PTPN3: variants seen among roughly 807,000 people sequenced by gnomAD.
The protein encoded by PTPN3 is protein tyrosine phosphatase non-receptor type 3.
A neutral mutation model predicts 132.7 loss-of-function variants in PTPN3; 96 were observed. That is an observed-to-expected ratio of 0.72 (90% confidence interval 0.61 to 0.86). The LOEUF (loss-of-function observed/expected upper bound fraction) is 0.86, where lower values mean the gene tolerates loss of function less well. PTPN3 is among the 40% of genes least tolerant of loss of function. The probability of loss-of-function intolerance (pLI) is 0.00; values close to 1 mark genes in which losing one functional copy is unlikely to be tolerated. For missense variants in PTPN3, 1,125 were observed against 1,159.6 expected (o/e 0.97, Z 0.43); for synonymous variants, 398 against 429.0 (o/e 0.93, Z 0.89).
chr9:109,386,701 A>G (rs915931510), intron 22 of PTPN3, among the ~76,000 whole-genome samples: 2 of 152,212 alleles, frequency 1.3e-5, no homozygotes, highest in African/African-American at 4.8e-5. Context: ...AGGGAACGAC[A>G]GACAGTACAA....
chr9:109,463,495 G>A lies in PTPN3; in HGVS notation c.-17-44C>T, dbSNP rs1402790207. On this transcript the variant is annotated intron_variant, in intron 1 of 25. Coordinates refer to ENST00000374541, the MANE Select transcript of PTPN3 (RefSeq NM_002829.4). ...CTGTTAGTGCTTTAATATGCGAATT[G>A]TCAGTTACTTGTGAGTGCAGATACC... is the stretch of plus-strand genomic sequence containing the variant. 11 of 1,553,648 alleles carry A rather than the reference G, an allele frequency of 7.1e-6. No homozygotes were observed. In the African/African-American group the frequency reaches 1.1e-4, roughly 15 times the overall value.
intron 1 of PTPN3, among the ~76,000 whole-genome samples, chr9:109,475,745 A>G (rs1327202693): frequency 6.6e-6 from 1 of 152,208 alleles, no homozygotes; most frequent in South Asian, 2.1e-4. Flanking sequence ...AGCCTTCAGA[A>G]AAGAAAACAG....
At chr9:109,426,768 A>C (rs1314511075) in intron 12 of PTPN3, among the ~76,000 whole-genome samples, 182 bp downstream of exon 12, 1 of 152,170 alleles carries the variant, frequency 6.6e-6, no homozygotes, top group Non-Finnish European at 1.5e-5. Flanking sequence ...TGCTGGGAAC[A>C]TGAGATATCC....
At chr9:109,537,567 C>G in the PTPN3 span, among the ~76,000 whole-genome samples, 2 of 151,702 alleles carry the variant, frequency 1.3e-5, no homozygotes, top group Non-Finnish European at 2.9e-5. Flanking sequence ...ATGACATCTA[C>G]ACTCTACTGT....
the PTPN3 span, among the ~76,000 whole-genome samples, chr9:109,519,637 G>A: frequency 1.3e-5 from 2 of 152,190 alleles, no homozygotes; most frequent in Non-Finnish European, 2.9e-5. Context: ...CTGACTGCAA[G>A]GGCTGGACTC....
chr9:109,380,479 C>T (rs1362003240), intron 25 of PTPN3, among the ~76,000 whole-genome samples: 1 of 152,202 alleles, frequency 6.6e-6, no homozygotes, highest in Non-Finnish European at 1.5e-5. Context: ...TGGTCTTGAA[C>T]TACTGATCTC....
At chr9:109,532,943 GGT>G in the PTPN3 span, 11 of 598,802 alleles carry the variant, frequency 1.8e-5, no homozygotes, top group South Asian at 3.5e-5. Context: ...TTCTTTTCTG[GGT>G]TTTTTTTTTT....
chr9:109,388,395 G>C (rs1249219210), intron 22 of PTPN3, among the ~76,000 whole-genome samples: 1 of 152,194 alleles, frequency 6.6e-6, no homozygotes, highest in Non-Finnish European at 1.5e-5. Flanking sequence ...CCTCAGAGGA[G>C]ATGGGAATCT....
intron 10 of PTPN3, among the ~76,000 whole-genome samples, chr9:109,430,299 G>A (rs1041095358): frequency 1.3e-5 from 2 of 152,076 alleles, no homozygotes; most frequent in Admixed American, 6.6e-5. Flanking sequence ...TTGGCCCATG[G>A]GTATCTGTGG....
chr9:109,387,387 C>T (rs889533493), intron 22 of PTPN3, among the ~76,000 whole-genome samples: 2 of 152,196 alleles, frequency 1.3e-5, no homozygotes, highest in Non-Finnish European at 2.9e-5. Context: ...GATTATAGAG[C>T]TTTGTGCTGC....
intron 19 of PTPN3, 125 bp from the exon 20 acceptor site, chr9:109,391,686 A>G: frequency 1.5e-6 from 1 of 674,320 alleles, no homozygotes; most frequent in African/African-American, 1.8e-5. Flanking sequence ...TTATATACTA[A>G]AAGAAAATCT....
intron 14 of PTPN3, among the ~76,000 whole-genome samples, chr9:109,410,716 G>A (rs1021091237): frequency 6.6e-6 from 1 of 152,198 alleles, no homozygotes; most frequent in African/African-American, 2.4e-5. Context: ...AATGTGTCCA[G>A]CTCCTCTGGT....
chr9:109,468,361 T>TTTG (rs1564469921), intron 1 of PTPN3, among the ~76,000 whole-genome samples: 75 of 152,026 alleles, frequency 4.9e-4, no homozygotes, highest in African/African-American at 1.7e-3. Context: ...CAGTTTTTTT[T>TTTG]TTTGTTTGTT....
intron 5 of PTPN3, chr9:109,450,393 G>C: frequency 1.0e-6 from 1 of 984,856 alleles, no homozygotes; most frequent in Non-Finnish European, 1.2e-6. Flanking sequence ...AGAGAAAGGA[G>C]AGTTATAGAT....
intron 16 of PTPN3, among the ~76,000 whole-genome samples, chr9:109,408,865 T>TTATATA (rs71372566): frequency 0.011 from 1,486 of 133,466 alleles, 28 homozygotes; most frequent in East Asian, 0.05. Context: ...TATATGGGCT[T>TTATATA]TATATATATA....
intron 19 of PTPN3, among the ~76,000 whole-genome samples, chr9:109,395,939 C>T (rs1406714485): frequency 1.4e-5 from 2 of 146,296 alleles, no homozygotes; most frequent in Non-Finnish European, 3.0e-5. Flanking sequence ...TCACTGCAAC[C>T]TCCACCTCCT....
chr9:109,486,260 T>C (rs1056406091), intron 1 of PTPN3, among the ~76,000 whole-genome samples: 10 of 152,120 alleles, frequency 6.6e-5, no homozygotes, highest in South Asian at 6.2e-4. Context: ...TTTTGCAGGG[T>C]TGGAGAAAAG....
chr9:109,453,714 A>T (rs940896991), intron 5 of PTPN3, among the ~76,000 whole-genome samples: 2 of 152,174 alleles, frequency 1.3e-5, no homozygotes, highest in African/African-American at 4.8e-5. Context: ...ATCTGATAGA[A>T]AATTCTTATA....
chr9:109,459,254 G>A (rs1019063516), intron 2 of PTPN3, among the ~76,000 whole-genome samples: 4 of 152,254 alleles, frequency 2.6e-5, no homozygotes, highest in Non-Finnish European at 4.4e-5. Context: ...ACCAGGGCTC[G>A]CTCCCTGGGC....
Sources: allele counts gnomAD v4.1 joint callset (sites outside exome capture counted in the v4.1 genomes callset), GRCh38; gene constraint gnomAD v4.1.1; transcripts MANE v1.5; gene names NCBI Gene and HGNC (gene_info 2026-07-23, HGNC 2026-07-21).